The following ADRA1B variants were observed in gnomAD, a reference collection of about 807,000 sequenced individuals.
The protein encoded by ADRA1B is alpha-1B adrenergic receptor.
In ADRA1B, 17 loss-of-function variants were observed where a neutral mutation model predicts 17.9. The ratio of observed to expected loss-of-function variants is 0.95; its 90% CI spans 0.65 to 1.42. The LOEUF (loss-of-function observed/expected upper bound fraction) is 1.42. Ranked by LOEUF, ADRA1B falls within the 40% of genes most tolerant of loss-of-function variation. ADRA1B has a pLI of 0.00. For synonymous variants in ADRA1B, 366 were observed against 327.6 expected, an observed-to-expected ratio of 1.12 and a Z score of -1.27; for missense variants, 681 against 722.1, an observed-to-expected ratio of 0.94 and a Z score of 0.65.
In ADRA1B at chr5:159,917,849, C is replaced by A. The variant is rs1031620021; in HGVS notation, c.944C>A (p.Pro315Gln). Reference protein sequence around the residue: ...LCWLPFFIALPLGSLFSTLKP... With the variant: ...LCWLPFFIALQLGSLFSTLKP... The stretch of plus-strand genomic sequence containing the variant: ...TGGCTACCCTTCTTCATCGCTCTAC[C>A]GCTTGGTAAGTTGGGGACTAGCAGC... The change falls in exon 1 of 2, where the codon CCG becomes CAG. Residue 315 changes from proline to glutamine, a missense_variant. Pro to Gln is a moderately conservative substitution (Grantham distance 76, BLOSUM62 -1). This residue lies in a region of ADRA1B where 424 missense variants were observed against 480.2 expected (regional missense o/e 0.88). Coordinates refer to ENST00000306675, the MANE Select transcript of ADRA1B (RefSeq NM_000679.4). 1.9e-6 allele frequency: 3 copies of A among 1,599,328 alleles called. No individual in the cohort carries two copies. The highest frequency in any genetic ancestry group is 2.6e-6 in the Non-Finnish European group (3 of 1,174,024).
At position 159,962,940 on chromosome 5, in the gene ADRA1B, T is replaced by C. The variant is rs529820316; in HGVS notation, c.950-8939T>C. Reference sequence around the variant, plus strand: ...CTTTCTTTTTCTTTTCTTTTCTTTTTTTTTTTTTTTTTGAAACAACGTCTA... The same window carrying C: ...CTTTCTTTTTCTTTTCTTTTCTTTTCTTTTTTTTTTTTGAAACAACGTCTA... On this transcript the variant is annotated intron_variant, in intron 1 of 1. Transcript: ENST00000306675. Among the ~76,000 whole-genome samples, 547 of 144,554 alleles carry C rather than the reference T, an allele frequency of 3.8e-3. 5 individuals carry two copies. The highest frequency in any genetic ancestry group is 0.013 in the African/African-American group (503 of 39,010). 94.8% of individuals were successfully genotyped at this position (144,554 alleles called of 152,430 possible).
intron 1 of ADRA1B, among the ~76,000 whole-genome samples, chr5:159,945,464 G>A (rs1337358752): frequency 1.3e-5 from 2 of 152,182 alleles, no homozygotes; most frequent in Admixed American, 1.3e-4. Flanking sequence ...AGGAATCTGG[G>A]GGAAAGCATT....
At chr5:159,931,600 CAT>C in intron 1 of ADRA1B, among the ~76,000 whole-genome samples, 1 of 152,252 alleles carries the variant, frequency 6.6e-6, no homozygotes, top group East Asian at 1.9e-4. Context: ...CATCCATAAT[CAT>C]ATCACCTGCC....
At chr5:159,939,252 GGA>G (rs67704328) in intron 1 of ADRA1B, among the ~76,000 whole-genome samples, 50 of 99,832 alleles carry the variant, frequency 5.0e-4, no homozygotes, top group Admixed American at 1.4e-3. Context: ...TTTCTTTGAA[GGA>G]GAGAGAGAGA....
intron 1 of ADRA1B, among the ~76,000 whole-genome samples, chr5:159,949,126 G>A (rs1232790750): frequency 2.6e-5 from 4 of 152,156 alleles, no homozygotes; most frequent in African/African-American, 9.7e-5. Context: ...ACATAAAACT[G>A]TAAGGCTTTT....
intron 1 of ADRA1B, among the ~76,000 whole-genome samples, chr5:159,878,803 G>A (rs1753827701): frequency 6.6e-6 from 1 of 152,132 alleles, no homozygotes; most frequent in Non-Finnish European, 1.5e-5. Flanking sequence ...CCAGAACTGT[G>A]GGGTCTTCAC....
chr5:159,898,357 T>C (rs1380842771), intron 1 of ADRA1B, among the ~76,000 whole-genome samples: 2 of 152,090 alleles, frequency 1.3e-5, no homozygotes, highest in African/African-American at 4.8e-5. Flanking sequence ...CTATCGCCCA[T>C]AGATTTTAGC....
the ADRA1B span, among the ~76,000 whole-genome samples, chr5:159,979,755 C>G: frequency 6.6e-6 from 1 of 152,088 alleles, no homozygotes; most frequent in South Asian, 2.1e-4. Context: ...GTAAACTCAG[C>G]TACTCTGGAG....
At chr5:159,940,397 G>A (rs916952233) in intron 1 of ADRA1B, among the ~76,000 whole-genome samples, 1 of 152,032 alleles carries the variant, frequency 6.6e-6, no homozygotes, top group African/African-American at 2.4e-5. Context: ...TGATTACCCT[G>A]GCCTGCCTTC....
chr5:159,881,005 G>T (rs956921486), intron 1 of ADRA1B, among the ~76,000 whole-genome samples: 2 of 151,998 alleles, frequency 1.3e-5, no homozygotes, highest in African/African-American at 4.8e-5. Flanking sequence ...AAGATTGCCT[G>T]GTTTCCAGGA....
intron 1 of ADRA1B, among the ~76,000 whole-genome samples, chr5:159,887,855 C>T (rs1413281952): frequency 2.0e-5 from 3 of 151,184 alleles, no homozygotes; most frequent in East Asian, 3.9e-4. Flanking sequence ...CCTAGCATTT[C>T]GGTGGAAGTG....
At chr5:159,913,329 G>A (rs898095458), upstream of ADRA1B, among the ~76,000 whole-genome samples, 1 of 152,260 alleles carries the variant, frequency 6.6e-6, no homozygotes, top group Middle Eastern at 3.4e-3. Flanking sequence ...TCAAAAATCA[G>A]CCAGAGGGGT....
In ADRA1B at chr5:159,972,651, A is replaced by G. The variant is rs1755905073; in HGVS notation, c.*159A>G. 1 of 884,428 alleles carries G rather than the reference A, an allele frequency of 1.1e-6. No homozygotes were observed. Among genetic ancestry groups the G allele is most frequent in the Admixed American group, 3.9e-5 (1 of 25,940 alleles). 54.8% of individuals were successfully genotyped at this position (884,428 alleles called of 1,614,324 possible). A position where few individuals can be genotyped will look rare whatever the true frequency, so the allele number is the denominator to read the frequency against. ...GGAGAGGGGCAGCTGCTTTTCTGGC[A>G]GGGGCATGGGTGCCAGGTACCACGC... On this transcript the variant is annotated 3_prime_UTR_variant, in exon 2 of 2. Coordinates refer to ENST00000306675, the MANE Select transcript of ADRA1B (RefSeq NM_000679.4).
At chr5:159,873,021 C>T (rs1251751547) in intron 1 of ADRA1B, among the ~76,000 whole-genome samples, 1 of 147,814 alleles carries the variant, frequency 6.8e-6, no homozygotes. Flanking sequence ...TGAGAATATG[C>T]GGTGTTTGGT....
chr5:159,894,828 C>G (rs1754024799), intron 1 of ADRA1B, among the ~76,000 whole-genome samples: 1 of 152,066 alleles, frequency 6.6e-6, no homozygotes, highest in Non-Finnish European at 1.5e-5. Context: ...ATTTTACAGA[C>G]AAGGAAAAGG....
chr5:159,985,329 T>C, the ADRA1B span, among the ~76,000 whole-genome samples: 1 of 152,372 alleles, frequency 6.6e-6, no homozygotes, highest in Admixed American at 6.5e-5. Context: ...ATGGGTTATC[T>C]CCTCCATTGG....
chr5:159,949,464 T>C (rs747376281), intron 1 of ADRA1B, among the ~76,000 whole-genome samples: 1 of 152,228 alleles, frequency 6.6e-6, no homozygotes, highest in Non-Finnish European at 1.5e-5. Flanking sequence ...AATAACCTCT[T>C]ATTTTTCAGT....
At chr5:159,945,882 G>T (rs1292268029) in intron 1 of ADRA1B, among the ~76,000 whole-genome samples, 3 of 151,976 alleles carry the variant, frequency 2.0e-5, no homozygotes, top group South Asian at 4.2e-4. Context: ...CAAGTAGCTG[G>T]GACTACAGGC....
chr5:159,960,710 A>T (rs866804324), intron 1 of ADRA1B, among the ~76,000 whole-genome samples: 37 of 105,996 alleles, frequency 3.5e-4, no homozygotes, highest in Non-Finnish European at 5.6e-4. Context: ...CCAGCTCTTA[A>T]AAAAAAAAAA....
Sources: allele counts gnomAD v4.1 joint callset (sites outside exome capture counted in the v4.1 genomes callset), GRCh38; gene constraint gnomAD v4.1.1; regional missense constraint gnomAD v4.1.1; transcripts MANE v1.5; gene names NCBI Gene and HGNC (gene_info 2026-07-23, HGNC 2026-07-21).